The following GON7 variants were observed in gnomAD, a reference collection of about 807,000 sequenced individuals.
GON7 encodes GON7 subunit of KEOPS complex, also known as EKC/KEOPS complex subunit GON7.
Under a neutral mutation model 7.6 loss-of-function variants are expected in GON7, and 2 were observed. That is an observed-to-expected ratio of 0.26 (90% CI 0.11 to 0.83). The LOEUF is 0.83. Among genes scored for constraint, GON7 ranks in the 40% least tolerant of loss-of-function variants. GON7 has a pLI of 0.65. For missense variants in GON7, 121 were observed against 132.2 expected (o/e 0.92, Z 0.42); for synonymous variants, 54 against 56.6 (o/e 0.95, Z 0.20).
At chr14:93,204,490 T>C (rs1467981674) in intron 1 of GON7, among the ~76,000 whole-genome samples, 1 of 152,188 alleles carries the variant, frequency 6.6e-6, no homozygotes, top group Non-Finnish European at 1.5e-5. Flanking sequence ...GGTCTTGCTA[T>C]GTTGCCCAGC....
In GON7 at chr14:93,206,860, C is replaced by T. The variant is rs1240173652; in HGVS notation, c.178G>A (p.Val60Met). Reference protein sequence around the residue: ...PLVQGEVQHRVAAAPDEDLDG... With the variant: ...PLVQGEVQHRMAAAPDEDLDG... ...AAGTCCTCGTCTGGAGCCGCCGCCA[C>T]CCGGTGCTGCACTTCCCCCTGTACC... The change falls in exon 1 of 2, where the codon GTG becomes ATG. Residue 60 changes from valine to methionine, a missense_variant. Transcript: ENST00000306954. The T allele has an allele frequency of 6.2e-7, 1 of 1,614,168 alleles. No homozygotes were observed. Among genetic ancestry groups the T allele is most frequent in the Non-Finnish European group, 8.5e-7 (1 of 1,180,050 alleles).
intron 1 of GON7, 149 bp from the exon 2 acceptor site, chr14:93,203,931 G>T: frequency 5.2e-6 from 3 of 572,704 alleles, no homozygotes; most frequent in Non-Finnish European, 9.1e-6. Flanking sequence ...GAATTTCAGT[G>T]TTTAAAATCT....
At chr14:93,203,973 T>C (rs1894295886) in intron 1 of GON7, among the ~76,000 whole-genome samples, 191 bp from the exon 2 acceptor site, 1 of 152,192 alleles carries the variant, frequency 6.6e-6, no homozygotes, top group Admixed American at 6.6e-5. Context: ...TTTGGAAATA[T>C]TAGTTCATTC....
chr14:93,206,247 G>C lies in GON7; in HGVS notation c.208+583C>G, dbSNP rs531133626. 8.5e-4 allele frequency among the ~76,000 whole-genome samples: 129 copies of C among 152,288 alleles called. 2 individuals carry two copies. The highest frequency in any genetic ancestry group is 2.8e-3 in the African/African-American group (118 of 41,556). ...GCTTGTCTCGAACTCCTGACCTCGTGATCTGCCTGCCTCGGTCTCCCAAAG... is the reference window on the plus strand; with the variant it reads ...GCTTGTCTCGAACTCCTGACCTCGTCATCTGCCTGCCTCGGTCTCCCAAAG... On this transcript the variant is annotated intron_variant, in intron 1 of 1. Transcript: ENST00000306954.
intron 1 of GON7, among the ~76,000 whole-genome samples, chr14:93,205,666 C>CAA (rs749347487): frequency 2.4e-5 from 3 of 124,458 alleles, no homozygotes; most frequent in East Asian, 2.3e-4. Context: ...GACTCCATCT[C>CAA]AAAAAAAAAA....
intron 1 of GON7, among the ~76,000 whole-genome samples, chr14:93,206,624 G>A (rs1318458970): frequency 6.6e-6 from 1 of 151,918 alleles, no homozygotes; most frequent in Non-Finnish European, 1.5e-5. Flanking sequence ...GACCTCAAGT[G>A]ATCCTCCTGC....
At chr14:93,206,716 T>C in intron 1 of GON7, 114 bp downstream of exon 1, 2 of 1,173,888 alleles carry the variant, frequency 1.7e-6, no homozygotes, top group Non-Finnish European at 2.3e-6. Flanking sequence ...GCAATTCTTC[T>C]TTCCTCGAGG....
chr14:93,206,979 G>A lies in GON7; in HGVS notation c.59C>T (p.Ser20Phe), dbSNP rs1162150156. ...QEGKPQKLRVSCEAPGDGDPF... is the reference protein window; with the variant it reads ...QEGKPQKLRVFCEAPGDGDPF... The stretch of plus-strand genomic sequence containing the variant: ...GTCGCCGTCACCCGGCGCCTCACAG[G>A]ACACCCGCAGCTTCTGCGGCTTCCC... Residue 20 changes from serine to phenylalanine, a missense_variant, in exon 1 of 2, where the codon TCC (serine) becomes TTC (phenylalanine). Coordinates refer to ENST00000306954, the MANE Select transcript of GON7 (RefSeq NM_032490.5). The A allele has an allele frequency of 6.2e-7, 1 of 1,614,186 alleles. No individual in the cohort carries two copies. The highest frequency in any genetic ancestry group is 1.7e-5 in the Admixed American group (1 of 60,036).
At chr14:93,206,633 G>A (rs1260339038) in intron 1 of GON7, among the ~76,000 whole-genome samples, 197 bp downstream of exon 1, 3 of 151,978 alleles carry the variant, frequency 2.0e-5, no homozygotes, top group South Asian at 2.1e-4. Context: ...TGATCCTCCT[G>A]CCTCGCCCTC....
intron 1 of GON7, among the ~76,000 whole-genome samples, chr14:93,204,107 T>C (rs1263938029): frequency 2.0e-5 from 3 of 152,192 alleles, no homozygotes; most frequent in African/African-American, 7.2e-5. Flanking sequence ...GCGATTCCTC[T>C]GTCTCAGCCT....
In GON7 at chr14:93,206,828, ACCGT is replaced by A. The variant is rs1337092209; in HGVS notation, c.206_208+1del. 3.1e-6 allele frequency: 5 copies of A among 1,613,086 alleles called. No homozygotes were observed. In the Admixed American group the frequency reaches 6.7e-5, roughly 22 times the overall value. ...TCACTGCAGCACCGTCTCAGAGCTC[ACCGT>A]CCAAGTCCTCGTCTGGAGCCGCCGC... On this transcript the variant is annotated splice_donor_variant and coding_sequence_variant, in exon 1 of 2. Transcript: ENST00000306954. LOFTEE classifies it high-confidence loss of function.
chr14:93,204,093 T>C (rs1401327485), intron 1 of GON7, among the ~76,000 whole-genome samples: 1 of 152,134 alleles, frequency 6.6e-6, no homozygotes, highest in East Asian at 1.9e-4. Flanking sequence ...CCTCCGGGGT[T>C]CAAGCGATTC....
At chr14:93,204,188 G>A (rs1219519095) in intron 1 of GON7, among the ~76,000 whole-genome samples, 1 of 152,080 alleles carries the variant, frequency 6.6e-6, no homozygotes, top group Admixed American at 6.5e-5. Context: ...TAGAGATGGG[G>A]TTTCACCATG....
At position 93,205,938 on chromosome 14, in the gene GON7, CT is replaced by C. The variant is rs1282188411; in HGVS notation, c.208+891del. Among the ~76,000 whole-genome samples the C allele has an allele frequency of 2.6e-5, 4 of 152,188 alleles. No individual in the cohort carries two copies. The East Asian group carries it at 7.7e-4, about 29-fold the overall frequency. On this transcript the variant is annotated intron_variant, in intron 1 of 1. Coordinates refer to ENST00000306954, the MANE Select transcript of GON7 (RefSeq NM_032490.5). Reference sequence around the variant, plus strand: ...CAACACCCAGCTCAAAAGTCTTATCCTTTCTGAAGACTTCCTAGGGTGTCTG... The same window carrying C: ...CAACACCCAGCTCAAAAGTCTTATCCTTCTGAAGACTTCCTAGGGTGTCTG...
intron 1 of GON7, among the ~76,000 whole-genome samples, chr14:93,204,415 G>A (rs1479229766): frequency 1.3e-5 from 2 of 152,078 alleles, no homozygotes; most frequent in Non-Finnish European, 2.9e-5. Flanking sequence ...ATTAGCAGTC[G>A]CTTTCCATTC....
rs1009729182 is a variant in GON7 at position 93,203,543 on chromosome 14, G to C, written c.*145C>G. ...GCCTTTACTATCTTTGCTAGAAACAGAAAAACCAGTTTTCTCTTTGACAAA... is the reference window on the plus strand; with the variant it reads ...GCCTTTACTATCTTTGCTAGAAACACAAAAACCAGTTTTCTCTTTGACAAA... On this transcript the variant is annotated 3_prime_UTR_variant, in exon 2 of 2. Coordinates refer to ENST00000306954, the MANE Select transcript of GON7 (RefSeq NM_032490.5). The C allele has an allele frequency of 1.3e-5, 8 of 601,034 alleles. No individual in the cohort carries two copies. The highest frequency in any genetic ancestry group is 3.7e-5 in the African/African-American group (2 of 54,162). 37.2% of individuals were successfully genotyped at this position (601,034 alleles called of 1,614,324 possible).
chr14:93,205,444 T>C (rs944959997), intron 1 of GON7, among the ~76,000 whole-genome samples: 1 of 151,712 alleles, frequency 6.6e-6, no homozygotes, highest in South Asian at 2.1e-4. Context: ...CTGAGGCGGG[T>C]GGATCACGAG....
intron 1 of GON7, among the ~76,000 whole-genome samples, chr14:93,204,700 G>A (rs1894308689): frequency 6.6e-6 from 1 of 152,110 alleles, no homozygotes; most frequent in Admixed American, 6.5e-5. Flanking sequence ...TGTTTTCAAG[G>A]TTCATTCATG....
In GON7 at chr14:93,206,960, G is replaced by A; in HGVS notation, c.78C>T (p.Asp26=). ...ACAACAGGCCCTGGAAAGGGTCGCC[G>A]TCACCCGGCGCCTCACAGGACACCC... ...KLRVSCEAPG[D]GDPFQGLLSG... Residue 26 remains aspartate, a synonymous_variant, in exon 1 of 2, where the codon GAC becomes GAT. Transcript: ENST00000306954. The A allele has an allele frequency of 1.2e-6, 2 of 1,614,216 alleles. No individual in the cohort carries two copies. Among genetic ancestry groups the A allele is most frequent in the South Asian group, 2.2e-5 (2 of 91,088 alleles).
Sources: allele counts gnomAD v4.1 joint callset (sites outside exome capture counted in the v4.1 genomes callset), GRCh38; gene constraint gnomAD v4.1.1; transcripts MANE v1.5; gene names NCBI Gene and HGNC (gene_info 2026-07-23, HGNC 2026-07-21).